Variants in ARSJ observed in about 807,000 individuals in gnomAD.
ARSJ encodes the protein arylsulfatase J.
Under a neutral mutation model 35.9 loss-of-function variants are expected in ARSJ, and 26 were observed. The observed-to-expected ratio is 0.72, with a 90% CI of 0.53 to 1.00. The LOEUF (loss-of-function observed/expected upper bound fraction) is 1.00. ARSJ is among the 50% of genes least tolerant of loss of function. ARSJ has a pLI of 0.00. For missense variants in ARSJ, 667 were observed against 723.6 expected, an observed-to-expected ratio of 0.92 and a Z score of 0.90; for synonymous variants, 294 against 267.6, an observed-to-expected ratio of 1.10 and a Z score of -0.96.
At chr4:113,965,106 C>T (rs564348447) in intron 1 of ARSJ, among the ~76,000 whole-genome samples, 1 of 152,210 alleles carries the variant, frequency 6.6e-6, no homozygotes, top group Admixed American at 6.6e-5. Flanking sequence ...TTCTTCATTT[C>T]ATCTCTCAAT....
chr4:113,937,768 A>G (rs139653290), intron 1 of ARSJ, among the ~76,000 whole-genome samples: 263 of 152,208 alleles, frequency 1.7e-3, no homozygotes, highest in African/African-American at 6.0e-3. Flanking sequence ...GAGCCAAATC[A>G]TGAATGAACT....
At chr4:113,915,241 AGGG>A (rs1723222263) in intron 1 of ARSJ, among the ~76,000 whole-genome samples, 1 of 152,136 alleles carries the variant, frequency 6.6e-6, no homozygotes, top group Non-Finnish European at 1.5e-5. Context: ...TCCAATGGTA[AGGG>A]TTATTGGCTC....
chr4:113,940,091 A>C (rs900491560), intron 1 of ARSJ, among the ~76,000 whole-genome samples: 6 of 152,108 alleles, frequency 3.9e-5, no homozygotes, highest in Non-Finnish European at 7.4e-5. Flanking sequence ...TGATTTCTTA[A>C]AGACCTAGAG....
intron 1 of ARSJ, among the ~76,000 whole-genome samples, chr4:113,932,294 T>A (rs1724504098): frequency 6.6e-6 from 1 of 151,942 alleles, no homozygotes. Flanking sequence ...CCACTCTCAG[T>A]AATAGACAAA....
At chr4:113,951,228 A>G (rs1725845792) in intron 1 of ARSJ, among the ~76,000 whole-genome samples, 1 of 152,092 alleles carries the variant, frequency 6.6e-6, no homozygotes. Flanking sequence ...ATTTGGATTA[A>G]TCCAGGCTCT....
intron 1 of ARSJ, among the ~76,000 whole-genome samples, chr4:113,966,565 G>A (rs906491338): frequency 3.3e-5 from 5 of 152,104 alleles, no homozygotes; most frequent in Non-Finnish European, 7.3e-5. Flanking sequence ...ATTCTCAATG[G>A]AATTTTGAAG....
intron 1 of ARSJ, among the ~76,000 whole-genome samples, chr4:113,972,313 A>C (rs1257933898): frequency 2.0e-5 from 3 of 150,096 alleles, no homozygotes; most frequent in East Asian, 2.0e-4. Flanking sequence ...AAAACAAAAA[A>C]AAAAACCCCA....
intron 1 of ARSJ, among the ~76,000 whole-genome samples, chr4:113,952,958 T>G (rs144813928): frequency 3.8e-4 from 58 of 152,208 alleles, no homozygotes; most frequent in Admixed American, 3.5e-3. Flanking sequence ...AAGATCAAAA[T>G]TATATCAATT....
chr4:113,949,702 T>C (rs1725733926), intron 1 of ARSJ, among the ~76,000 whole-genome samples: 1 of 152,068 alleles, frequency 6.6e-6, no homozygotes, highest in Admixed American at 6.6e-5. Context: ...GGACTTTACC[T>C]CCCTTTCCCT....
At chr4:113,957,026 A>G (rs1383473459) in intron 1 of ARSJ, among the ~76,000 whole-genome samples, 1 of 152,104 alleles carries the variant, frequency 6.6e-6, no homozygotes, top group Non-Finnish European at 1.5e-5. Flanking sequence ...TAGCAGCAAG[A>G]TGGACCTATA....
intron 1 of ARSJ, among the ~76,000 whole-genome samples, chr4:113,933,450 C>G (rs979600425): frequency 3.3e-5 from 5 of 151,826 alleles, no homozygotes; most frequent in African/African-American, 1.2e-4. Context: ...CAAAAATTAT[C>G]AACAAATCCT....
intron 1 of ARSJ, among the ~76,000 whole-genome samples, chr4:113,925,845 A>C (rs1724023752): frequency 6.6e-6 from 1 of 152,170 alleles, no homozygotes; most frequent in Non-Finnish European, 1.5e-5. Flanking sequence ...TCAACCTGCC[A>C]CCAGGTAGCT....
At chr4:113,914,234 A>C (rs1253279672) in intron 1 of ARSJ, among the ~76,000 whole-genome samples, 7 of 152,182 alleles carry the variant, frequency 4.6e-5, no homozygotes, top group Non-Finnish European at 8.8e-5. Flanking sequence ...AGCCTCCCAA[A>C]GTGCTGGGAT....
At chr4:113,927,228 G>C (rs1218740708) in intron 1 of ARSJ, among the ~76,000 whole-genome samples, 1 of 152,110 alleles carries the variant, frequency 6.6e-6, no homozygotes, top group Non-Finnish European at 1.5e-5. Context: ...ACCTTAGAAG[G>C]AATATCGTAA....
intron 1 of ARSJ, among the ~76,000 whole-genome samples, chr4:113,974,476 G>A (rs1460826015): frequency 6.6e-6 from 1 of 151,886 alleles, no homozygotes; most frequent in Non-Finnish European, 1.5e-5. Flanking sequence ...AATTAATAAG[G>A]CAGAAACAAT....
intron 1 of ARSJ, among the ~76,000 whole-genome samples, chr4:113,916,758 C>T (rs1451359478): frequency 1.3e-5 from 2 of 152,006 alleles, no homozygotes; most frequent in Non-Finnish European, 2.9e-5. Flanking sequence ...TTCTGTTTTT[C>T]CTTTTATTTG....
rs1391055823 is a variant in ARSJ, at chr4:113,902,263, A to AAT, written c.*9_*10dup. On this transcript the variant is annotated 3_prime_UTR_variant, in exon 2 of 2. Coordinates refer to ENST00000315366, the MANE Select transcript of ARSJ (RefSeq NM_024590.4). ...CTGATTAAAGTTTAACCAAACAGGA[A>AAT]ATATTTGTGCTTATCCACAAGTAAC... 1.2e-6 allele frequency: 2 copies of AAT among 1,607,236 alleles called. No individual in the cohort carries two copies. The highest frequency in any genetic ancestry group is 2.2e-5 in the South Asian group (2 of 91,088).
chr4:113,903,583 A>G lies in ARSJ; in HGVS notation c.491T>C (p.Leu164Pro). ...PLDNATLPQK[L>P]KEVGYSTHMV... is the part of the protein sequence containing the mutation. ...ATGCGTTGAATATCCAACCTCCTTC[A>G]GTTTCTGAGGTAGGGTGGCATTGTC... The change falls in exon 2 of 2, where the codon CTG (leucine) becomes CCG (proline). Residue 164 changes from leucine (L) to proline (P), a missense_variant. Coordinates refer to ENST00000315366, the MANE Select transcript of ARSJ (RefSeq NM_024590.4). 1 of 1,614,162 alleles carries G rather than the reference A, an allele frequency of 6.2e-7. No homozygotes were observed. The highest frequency in any genetic ancestry group is 8.5e-7 in the Non-Finnish European group (1 of 1,180,024).
chr4:113,960,833 C>T (rs747038704), intron 1 of ARSJ, among the ~76,000 whole-genome samples: 3 of 152,006 alleles, frequency 2.0e-5, no homozygotes, highest in Non-Finnish European at 4.4e-5. Context: ...TGGAGATTGG[C>T]AGAAGTGCCC....
Sources: gnomAD v4.1 joint callset for allele counts (sites outside exome capture counted in the v4.1 genomes callset) on GRCh38, gnomAD v4.1.1 for gene constraint, MANE v1.5 for transcripts, NCBI Gene and HGNC (gene_info 2026-07-23, HGNC 2026-07-21) for gene names.